Variants in ATP2B2 observed in about 807,000 individuals in gnomAD.
The protein encoded by ATP2B2 is plasma membrane calcium-transporting ATPase 2.
A neutral mutation model predicts 120.0 loss-of-function variants in ATP2B2; 15 were observed. The ratio of observed to expected loss-of-function variants is 0.12; its 90% CI spans 0.08 to 0.19. ATP2B2 has a LOEUF of 0.19. Ranked by LOEUF, ATP2B2 falls within the 10% of genes least tolerant of loss-of-function variation. The probability of loss-of-function intolerance (pLI) is 1.00; values close to 1 mark genes in which losing one functional copy is unlikely to be tolerated. For synonymous variants in ATP2B2, 694 were observed against 700.3 expected (o/e 0.99, Z 0.14); for missense variants, 1,045 against 1,719.8 (o/e 0.61, Z 6.94).
At chr3:10,548,474 A>C (rs2067597769) in intron 2 of ATP2B2, among the ~76,000 whole-genome samples, 1 of 152,138 alleles carries the variant, frequency 6.6e-6, no homozygotes, top group Non-Finnish European at 1.5e-5. Context: ...TAGTGTATAG[A>C]TATCCCAGCT....
At chr3:10,577,662 C>T (rs192018724) in intron 2 of ATP2B2, among the ~76,000 whole-genome samples, 218 of 152,336 alleles carry the variant, frequency 1.4e-3, no homozygotes, top group African/African-American at 5.0e-3. Flanking sequence ...CCCTGGGCTG[C>T]ACAATGTAGA....
At chr3:10,389,462 C>A (rs1452350628) in intron 5 of ATP2B2, among the ~76,000 whole-genome samples, 1 of 152,134 alleles carries the variant, frequency 6.6e-6, no homozygotes, top group Non-Finnish European at 1.5e-5. Flanking sequence ...CATGGATGAA[C>A]CTTGAGGATA....
At chr3:10,615,978 A>G (rs1292995896) in intron 2 of ATP2B2, among the ~76,000 whole-genome samples, 2 of 152,176 alleles carry the variant, frequency 1.3e-5, no homozygotes, top group Non-Finnish European at 2.9e-5. Context: ...AACCAAGTGC[A>G]CCACCTACTT....
At chr3:10,688,016 A>G (rs1482352612) in intron 1 of ATP2B2, among the ~76,000 whole-genome samples, 1 of 152,232 alleles carries the variant, frequency 6.6e-6, no homozygotes, top group Non-Finnish European at 1.5e-5. Flanking sequence ...TATATAAAAT[A>G]CACACATTAT....
chr3:10,368,617 C>A (rs1324305225), intron 12 of ATP2B2, among the ~76,000 whole-genome samples: 1 of 151,898 alleles, frequency 6.6e-6, no homozygotes, highest in Non-Finnish European at 1.5e-5. Flanking sequence ...TCCATCCATC[C>A]ATTTACCAAC....
chr3:10,545,500 GCCTTGCTGAC>G (rs1398789230), intron 2 of ATP2B2, among the ~76,000 whole-genome samples: 1 of 149,986 alleles, frequency 6.7e-6, no homozygotes, highest in Non-Finnish European at 1.5e-5. Context: ...TTGCACTCCA[GCCTTGCTGAC>G]AGAGCAAGAA....
intron 1 of ATP2B2, chr3:10,626,865 GACACACACACACACACACACACACACAC>G (rs36206226): frequency 1.4e-5 from 2 of 142,878 alleles, no homozygotes; most frequent in East Asian, 2.1e-4. Flanking sequence ...CTGGTAGTGA[GACACACACACACACACACACACACACAC>G]ACACACACAC....
intron 1 of ATP2B2, among the ~76,000 whole-genome samples, chr3:10,690,478 A>ATC (rs1488011563): frequency 1.7e-4 from 26 of 151,952 alleles, no homozygotes; most frequent in South Asian, 6.3e-4. Context: ...CTATCTATCT[A>ATC]TATATCTCCT....
At chr3:10,418,246 T>C (rs2062855115) in intron 2 of ATP2B2, among the ~76,000 whole-genome samples, 1 of 152,216 alleles carries the variant, frequency 6.6e-6, no homozygotes, top group Non-Finnish European at 1.5e-5. Flanking sequence ...TTAGGGCATT[T>C]AAAGTCATTT....
intron 8 of ATP2B2, among the ~76,000 whole-genome samples, chr3:10,383,868 C>T (rs1248582034): frequency 3.9e-5 from 6 of 152,180 alleles, no homozygotes; most frequent in Admixed American, 3.9e-4. Flanking sequence ...CTGAGACTGG[C>T]CAGCCTGGAT....
intron 18 of ATP2B2, 67 bp downstream of exon 18, chr3:10,345,317 G>T: frequency 6.4e-7 from 1 of 1,568,218 alleles, no homozygotes; most frequent in South Asian, 1.1e-5. Context: ...GTACCCTAAG[G>T]CCCCCGAGCC....
At chr3:10,585,493 G>GGA (rs1250583445) in intron 2 of ATP2B2, among the ~76,000 whole-genome samples, 4 of 28,510 alleles carry the variant, frequency 1.4e-4, no homozygotes, top group South Asian at 3.1e-3. Context: ...GACTCCGTCT[G>GGA]AAAAAAAAAA....
intron 1 of ATP2B2, among the ~76,000 whole-genome samples, chr3:10,470,492 C>T (rs1486248775): frequency 6.6e-6 from 1 of 152,212 alleles, no homozygotes; most frequent in African/African-American, 2.4e-5. Flanking sequence ...AGGGACCTGC[C>T]TCCCAGCTGG....
At chr3:10,641,415 G>T (rs1277707123) in intron 1 of ATP2B2, among the ~76,000 whole-genome samples, 2 of 152,200 alleles carry the variant, frequency 1.3e-5, no homozygotes, top group Admixed American at 1.3e-4. Flanking sequence ...CTCAGCCCTA[G>T]CCAAGGGTGG....
chr3:10,554,882 G>C (rs2067745745), intron 2 of ATP2B2, among the ~76,000 whole-genome samples: 1 of 152,164 alleles, frequency 6.6e-6, no homozygotes, highest in South Asian at 2.1e-4. Flanking sequence ...CTGGGTGTGG[G>C]TCAGACCTTG....
chr3:10,508,388 G>A (rs934475629), upstream of ATP2B2, among the ~76,000 whole-genome samples: 2 of 152,132 alleles, frequency 1.3e-5, no homozygotes, highest in Non-Finnish European at 2.9e-5. Flanking sequence ...ACACTGTATT[G>A]TGATGGTCTA....
chr3:10,576,859 T>C (rs1575515655), intron 2 of ATP2B2, among the ~76,000 whole-genome samples: 1 of 151,880 alleles, frequency 6.6e-6, no homozygotes, highest in Non-Finnish European at 1.5e-5. Context: ...GGTCAGGAAT[T>C]CGAGACCAGC....
intron 3 of ATP2B2, among the ~76,000 whole-genome samples, chr3:10,519,014 G>C (rs1237538248): frequency 6.6e-6 from 1 of 152,208 alleles, no homozygotes; most frequent in East Asian, 1.9e-4. Flanking sequence ...CTGTGCACTA[G>C]GCCCTGTCTA....
At chr3:10,525,980 G>C (rs1307916914) in intron 3 of ATP2B2, among the ~76,000 whole-genome samples, 2 of 152,250 alleles carry the variant, frequency 1.3e-5, no homozygotes, top group East Asian at 3.9e-4. Flanking sequence ...TTCAAAGTGG[G>C]TATAATAATT....
Sources: gnomAD v4.1 joint callset for allele counts (sites outside exome capture counted in the v4.1 genomes callset) on GRCh38, gnomAD v4.1.1 for gene constraint, MANE v1.5 for transcripts, NCBI Gene and HGNC (gene_info 2026-07-23, HGNC 2026-07-21) for gene names.